NALCN: variants seen among roughly 807,000 people sequenced by gnomAD.
NALCN encodes the protein sodium leak channel, non-selective.
A neutral mutation model predicts 225.3 loss-of-function variants in NALCN; 111 were observed. The ratio of observed to expected loss-of-function variants is 0.49; its 90% CI spans 0.42 to 0.58. The LOEUF is 0.58. Ranked by LOEUF, NALCN falls within the 20% of genes least tolerant of loss-of-function variation. NALCN has a pLI of 0.00. For missense variants in NALCN, 1,378 were observed against 2,202.4 expected (o/e 0.63, Z 7.49); for synonymous variants, 764 against 769.0 (o/e 0.99, Z 0.11).
intron 18 of NALCN, among the ~76,000 whole-genome samples, chr13:101,117,757 C>T (rs2035785339): frequency 6.6e-6 from 1 of 151,718 alleles, no homozygotes; most frequent in Admixed American, 6.6e-5. Context: ...TTTGCTTATC[C>T]ATTCTCCTAC....
chr13:101,058,429 GTCTACTGT>G, intron 42 of NALCN: 2 of 156,850 alleles, frequency 1.3e-5, no homozygotes, highest in Non-Finnish European at 2.8e-5. Flanking sequence ...GGCGGGGGCA[GTCTACTGT>G]CACCAGCCTG....
intron 9 of NALCN, among the ~76,000 whole-genome samples, chr13:101,286,149 T>C (rs2043329859): frequency 6.6e-6 from 1 of 152,224 alleles, no homozygotes; most frequent in Admixed American, 6.5e-5. Flanking sequence ...AGTAGATCTT[T>C]GAGACAGAAG....
intron 14 of NALCN, among the ~76,000 whole-genome samples, chr13:101,182,082 C>T (rs374479896): frequency 1.5e-4 from 19 of 125,496 alleles, no homozygotes; most frequent in East Asian, 1.2e-3. Context: ...TGCAGTGAGC[C>T]GAGATCGTGC....
At chr13:101,199,882 A>G (rs556372887) in intron 13 of NALCN, among the ~76,000 whole-genome samples, 23 of 152,154 alleles carry the variant, frequency 1.5e-4, no homozygotes, top group Non-Finnish European at 3.1e-4. Context: ...TTCAGTCACC[A>G]AAAGAGCCAG....
intron 11 of NALCN, among the ~76,000 whole-genome samples, chr13:101,239,501 C>T (rs764411757): frequency 1.3e-5 from 2 of 151,982 alleles, no homozygotes; most frequent in Non-Finnish European, 2.9e-5. Context: ...TTCTGAGTCA[C>T]TAACAATCGT....
upstream of NALCN, among the ~76,000 whole-genome samples, chr13:101,417,082 T>C (rs2047966441): frequency 6.6e-6 from 1 of 152,104 alleles, no homozygotes; most frequent in African/African-American, 2.4e-5. Context: ...TATTCAGAAA[T>C]TGACAGTCCC....
At chr13:101,164,158 T>C (rs983588505) in intron 15 of NALCN, among the ~76,000 whole-genome samples, 1 of 152,214 alleles carries the variant, frequency 6.6e-6, no homozygotes, top group Non-Finnish European at 1.5e-5. Flanking sequence ...CACGTACCTA[T>C]TTGAGGGACA....
At chr13:101,332,397 C>CAAAAAAAAAAAAAAA (rs753158247) in intron 7 of NALCN, among the ~76,000 whole-genome samples, 5 of 57,810 alleles carry the variant, frequency 8.6e-5, no homozygotes, top group Non-Finnish European at 1.5e-4. Flanking sequence ...TTCACAAAGC[C>CAAAAAAAAAAAAAAA]AAAAAAAAAA....
chr13:101,074,708 G>T, intron 35 of NALCN, 46 bp from the exon 36 acceptor site: 2 of 1,522,618 alleles, frequency 1.3e-6, no homozygotes. Flanking sequence ...GAGAGAGAGA[G>T]AGAGACAGAG....
chr13:101,219,787 T>C (rs568261347), intron 13 of NALCN, among the ~76,000 whole-genome samples: 21 of 152,282 alleles, frequency 1.4e-4, no homozygotes, highest in African/African-American at 4.1e-4. Flanking sequence ...TGGCTAGAAG[T>C]GACCTAATGG....
At chr13:101,126,361 A>G (rs895240150) in intron 17 of NALCN, among the ~76,000 whole-genome samples, 1 of 152,220 alleles carries the variant, frequency 6.6e-6, no homozygotes, top group Non-Finnish European at 1.5e-5. Context: ...AAATTAATGT[A>G]TGGACAAGGA....
intron 28 of NALCN, 101 bp from the exon 29 acceptor site, chr13:101,090,067 T>G (rs553669584): frequency 6.2e-4 from 957 of 1,540,560 alleles, no homozygotes; most frequent in Non-Finnish European, 8.0e-4. Flanking sequence ...GATATGTGTG[T>G]GTGTGTGTAT....
intron 10 of NALCN, among the ~76,000 whole-genome samples, chr13:101,259,733 T>C (rs112987372): frequency 9.3e-4 from 16 of 17,176 alleles, no homozygotes; most frequent in Non-Finnish European, 1.3e-3. Flanking sequence ...ATAGTAAGTG[T>C]ATATATATAT....
At chr13:101,346,087 C>CTCTATATATATATA in intron 6 of NALCN, among the ~76,000 whole-genome samples, 24 of 70,968 alleles carry the variant, frequency 3.4e-4, no homozygotes, top group African/African-American at 1.1e-3. Context: ...CTCTCTCTCT[C>CTCTATATATATATA]TATATATATA....
At chr13:101,163,132 A>G (rs999735464) in intron 15 of NALCN, among the ~76,000 whole-genome samples, 2 of 152,076 alleles carry the variant, frequency 1.3e-5, no homozygotes, top group Non-Finnish European at 1.5e-5. Flanking sequence ...CAAACTCCTG[A>G]CCACAGGTGA....
At chr13:101,250,963 T>C (rs189854801) in intron 11 of NALCN, among the ~76,000 whole-genome samples, 4 of 152,180 alleles carry the variant, frequency 2.6e-5, no homozygotes, top group Admixed American at 2.0e-4. Flanking sequence ...ATAATGATTA[T>C]ATGAGATTGT....
At chr13:101,367,572 T>C (rs953943682) in intron 6 of NALCN, among the ~76,000 whole-genome samples, 3 of 152,138 alleles carry the variant, frequency 2.0e-5, no homozygotes, top group Non-Finnish European at 2.9e-5. Context: ...GCTTTTATGC[T>C]TAATAAATAT....
intron 7 of NALCN, among the ~76,000 whole-genome samples, chr13:101,323,914 G>A (rs2044845916): frequency 1.3e-5 from 2 of 152,166 alleles, no homozygotes; most frequent in African/African-American, 4.8e-5. Flanking sequence ...CTGCCATTTT[G>A]TTGTAGAGTA....
chr13:101,145,264 G>C (rs1400329928), intron 15 of NALCN, among the ~76,000 whole-genome samples: 3 of 151,884 alleles, frequency 2.0e-5, no homozygotes, highest in Non-Finnish European at 4.4e-5. Flanking sequence ...CCTAACGCTA[G>C]AATTAAAAAT....
Sources: allele counts gnomAD v4.1 joint callset (sites outside exome capture counted in the v4.1 genomes callset), GRCh38; gene constraint gnomAD v4.1.1; transcripts MANE v1.5; gene names NCBI Gene and HGNC (gene_info 2026-07-23, HGNC 2026-07-21).